Variants in GALNT13 observed in about 807,000 individuals in gnomAD.
GALNT13 encodes UDP-GalNAc:polypeptide N-acetylgalactosaminyltransferase 13.
GALNT13 carries 28 observed loss-of-function variants against 64.2 expected under a neutral mutation model. The ratio of observed to expected loss-of-function variants is 0.44; its 90% CI spans 0.32 to 0.60. The LOEUF (loss-of-function observed/expected upper bound fraction) is 0.60. Ranked by LOEUF, GALNT13 falls within the 20% of genes least tolerant of loss-of-function variation. GALNT13 has a pLI of 0.05. For synonymous variants in GALNT13, 214 were observed against 224.6 expected (o/e 0.95, Z 0.42); for missense variants, 577 against 669.8 (o/e 0.86, Z 1.53).
At chr2:154,059,753 A>C (rs1413190780) in intron 3 of GALNT13, among the ~76,000 whole-genome samples, 1 of 152,162 alleles carries the variant, frequency 6.6e-6, no homozygotes, top group Non-Finnish European at 1.5e-5. Context: ...TATTTTTCAT[A>C]GTGTTTTCCT....
At chr2:153,165,182 A>G in the GALNT13 span, among the ~76,000 whole-genome samples, 7 of 152,234 alleles carry the variant, frequency 4.6e-5, no homozygotes, top group Non-Finnish European at 1.0e-4. Context: ...TGGTGTTGGC[A>G]ATGACATTTA....
At chr2:153,386,415 C>G in the GALNT13 span, among the ~76,000 whole-genome samples, 1 of 151,896 alleles carries the variant, frequency 6.6e-6, no homozygotes, top group Non-Finnish European at 1.5e-5. Context: ...GTAAAATGAG[C>G]TTTCAAAAAA....
intron 4 of GALNT13, among the ~76,000 whole-genome samples, chr2:154,172,680 A>C (rs80190198): frequency 0.032 from 4,866 of 151,974 alleles, 97 homozygotes; most frequent in Non-Finnish European, 0.04. Flanking sequence ...ATGCGCATAC[A>C]TACAGAGCAC....
the GALNT13 span, among the ~76,000 whole-genome samples, chr2:153,488,984 A>C: frequency 6.6e-6 from 1 of 152,182 alleles, no homozygotes; most frequent in Non-Finnish European, 1.5e-5. Context: ...AACTGTGATA[A>C]ATAAATTTCA....
At chr2:153,705,815 G>A in the GALNT13 span, among the ~76,000 whole-genome samples, 1 of 152,124 alleles carries the variant, frequency 6.6e-6, no homozygotes, top group African/African-American at 2.4e-5. Context: ...CATGGCAAAG[G>A]TCATGGATCA....
At chr2:153,314,419 T>C in the GALNT13 span, among the ~76,000 whole-genome samples, 1 of 152,150 alleles carries the variant, frequency 6.6e-6, no homozygotes, top group Non-Finnish European at 1.5e-5. Flanking sequence ...TGAACAATGC[T>C]ATAAAGAAAC....
At position 154,451,508 on chromosome 2, in the gene GALNT13, GTCATTT is replaced by G. The variant is rs1368759123; in HGVS notation, c.*966_*971del. 6.6e-6 allele frequency: 1 copy of G among 152,044 alleles called. No homozygotes were observed. The highest frequency in any genetic ancestry group is 1.9e-4 in the East Asian group (1 of 5,180). 9.4% of individuals were successfully genotyped at this position (152,044 alleles called of 1,614,324 possible). On this transcript the variant is annotated 3_prime_UTR_variant, in exon 13 of 13. Coordinates refer to ENST00000392825, the MANE Select transcript of GALNT13 (RefSeq NM_052917.4). ...TAAAGATTTTAGTTAGGTTACCACT[GTCATTT>G]TCATTTTCTATGTTAAAGAATACCT...
intron 3 of GALNT13, among the ~76,000 whole-genome samples, chr2:154,128,456 CT>C (rs1436055813): frequency 6.6e-6 from 1 of 151,884 alleles, no homozygotes; most frequent in Non-Finnish European, 1.5e-5. Context: ...TATCCTGGTT[CT>C]TTTTATTAGT....
chr2:153,812,897 T>A, the GALNT13 span, among the ~76,000 whole-genome samples: 2 of 152,214 alleles, frequency 1.3e-5, no homozygotes, highest in Non-Finnish European at 1.5e-5. Flanking sequence ...CCTCCAGGGT[T>A]TCTTCTCCTT....
chr2:154,090,897 T>C (rs1701771251), intron 3 of GALNT13, among the ~76,000 whole-genome samples: 1 of 151,860 alleles, frequency 6.6e-6, no homozygotes, highest in Admixed American at 6.6e-5. Flanking sequence ...AATCACAGAA[T>C]TTTCACATTG....
chr2:154,328,976 T>A (rs1193385535), intron 9 of GALNT13, among the ~76,000 whole-genome samples: 1 of 152,158 alleles, frequency 6.6e-6, no homozygotes, highest in South Asian at 2.1e-4. Flanking sequence ...GCTCACAATT[T>A]CGTTCATGTT....
chr2:153,217,342 C>A, the GALNT13 span, among the ~76,000 whole-genome samples: 4 of 151,850 alleles, frequency 2.6e-5, no homozygotes, highest in East Asian at 1.9e-4. Flanking sequence ...TATTCCCTGA[C>A]CTTCTTGAAT....
At chr2:153,325,128 T>TTGTTTTTG in the GALNT13 span, among the ~76,000 whole-genome samples, 1 of 146,640 alleles carries the variant, frequency 6.8e-6, no homozygotes, top group South Asian at 2.2e-4. Flanking sequence ...TTTTTTTTTT[T>TTGTTTTTG]TTTTTTTTTT....
intron 4 of GALNT13, among the ~76,000 whole-genome samples, chr2:154,225,101 G>T (rs930826289): frequency 7.3e-6 from 1 of 136,110 alleles, no homozygotes; most frequent in Non-Finnish European, 1.6e-5. Context: ...CACACATGGA[G>T]AGATAGATAG....
intron 12 of GALNT13, among the ~76,000 whole-genome samples, chr2:154,442,555 C>T (rs1701352501): frequency 6.6e-6 from 1 of 151,926 alleles, no homozygotes; most frequent in Admixed American, 6.6e-5. Flanking sequence ...CATGAAATGC[C>T]TATTGCCAGG....
At chr2:154,013,220 TTTTGCTTTTATCTTCTTTGAAGCCC>T (rs1696764615) in intron 3 of GALNT13, among the ~76,000 whole-genome samples, 1 of 151,674 alleles carries the variant, frequency 6.6e-6, no homozygotes, top group South Asian at 2.1e-4. Context: ...GAACGAAGCC[TTTTGCTTTTATCTTCTTTGAAGCCC>T]TTTGGTGTTT....
chr2:153,901,974 A>G (rs1688266371), intron 2 of GALNT13, among the ~76,000 whole-genome samples: 1 of 152,068 alleles, frequency 6.6e-6, no homozygotes. Context: ...TTGACTTACC[A>G]TTCTCTTCCC....
intron 8 of GALNT13, among the ~76,000 whole-genome samples, chr2:154,283,479 A>G (rs912386008): frequency 1.3e-5 from 2 of 151,850 alleles, no homozygotes; most frequent in African/African-American, 2.4e-5. Context: ...CACTGAGAGA[A>G]TGGTATCTTT....
At chr2:153,202,767 T>C in the GALNT13 span, among the ~76,000 whole-genome samples, 1 of 152,236 alleles carries the variant, frequency 6.6e-6, no homozygotes, top group African/African-American at 2.4e-5. Context: ...TAGGTGTAAA[T>C]AGTAAAATAT....
Sources: gnomAD v4.1 joint callset for allele counts (sites outside exome capture counted in the v4.1 genomes callset) on GRCh38, gnomAD v4.1.1 for gene constraint, MANE v1.5 for transcripts, NCBI Gene and HGNC (gene_info 2026-07-23, HGNC 2026-07-21) for gene names.